MLXIP: variants seen among roughly 807,000 people sequenced by gnomAD.
MLXIP encodes the protein MLX-interacting protein.
In MLXIP, 30 loss-of-function variants were observed where a neutral mutation model predicts 87.2. That is an observed-to-expected ratio of 0.34 (90% CI 0.26 to 0.47). The LOEUF (loss-of-function observed/expected upper bound fraction) is 0.47, where lower values mean the gene tolerates loss of function less well. Among genes scored for constraint, MLXIP ranks in the 20% least tolerant of loss-of-function variants. The probability of loss-of-function intolerance (pLI) is 1.00; values close to 1 mark genes in which losing one functional copy is unlikely to be tolerated. For missense variants in MLXIP, 1,002 were observed against 1,240.1 expected, an observed-to-expected ratio of 0.81 and a Z score of 2.88; for synonymous variants, 530 against 514.0, an observed-to-expected ratio of 1.03 and a Z score of -0.42.
At position 122,135,252 on chromosome 12, in the gene MLXIP, G is replaced by A; in HGVS notation, c.1761G>A (p.Val587=). 3.7e-6 allele frequency: 6 copies of A among 1,613,542 alleles called. No individual in the cohort carries two copies. The highest frequency in any genetic ancestry group is 4.2e-6 in the Non-Finnish European group (5 of 1,179,852). ...PAAFSGQPQA[V]IMTSGPLKRE... is the part of the protein sequence containing the mutation. ...CCTTTTCAGGCCAACCACAAGCGGT[G>A]ATCATGACGTCAGGGCCTCTGAAGA... Residue 587 remains valine (V), a synonymous_variant, in exon 10 of 17, where the codon GTG becomes GTA. Transcript: ENST00000319080. This position sits in a 1 kb window ranked among gnomAD's most constrained non-coding sequence, Gnocchi z 5.3.
At chr12:122,086,180 CTGAATCTTG>C (rs1952165949) in intron 1 of MLXIP, among the ~76,000 whole-genome samples, 1 of 152,200 alleles carries the variant, frequency 6.6e-6, no homozygotes, top group African/African-American at 2.4e-5. Context: ...CGCAGCCCTG[CTGAATCTTG>C]TGAGACCCAA....
intron 1 of MLXIP, among the ~76,000 whole-genome samples, chr12:122,125,252 A>C (rs1392128971): frequency 6.6e-6 from 1 of 152,120 alleles, no homozygotes; most frequent in Admixed American, 6.5e-5. Flanking sequence ...GAATCGCTTG[A>C]AGCCAGGAGG....
intron 1 of MLXIP, among the ~76,000 whole-genome samples, chr12:122,106,276 C>T (rs376970555): frequency 2.0e-5 from 3 of 152,308 alleles, no homozygotes; most frequent in South Asian, 2.1e-4. Flanking sequence ...AACTCCTGCC[C>T]GTCCTTGGAG....
intron 1 of MLXIP, among the ~76,000 whole-genome samples, chr12:122,093,841 GGT>G (rs1204418187): frequency 9.7e-5 from 14 of 144,728 alleles, no homozygotes; most frequent in African/African-American, 1.5e-4. Flanking sequence ...GTGTGTGTGG[GGT>G]GTGTGTTTGC....
At chr12:122,098,809 C>T (rs1252834641) in intron 1 of MLXIP, among the ~76,000 whole-genome samples, 1 of 152,248 alleles carries the variant, frequency 6.6e-6, no homozygotes, top group Admixed American at 6.5e-5. Flanking sequence ...AAATTGGCTT[C>T]TCTTCTTCCA....
At position 122,130,831 on chromosome 12, in the gene MLXIP, G is replaced by C. The variant is rs750049009; in HGVS notation, c.911-13G>C. 6.2e-7 allele frequency: 1 copy of C among 1,602,396 alleles called. No homozygotes were observed. Among genetic ancestry groups the C allele is most frequent in the Non-Finnish European group, 8.6e-7 (1 of 1,169,484 alleles). On this transcript the variant is annotated splice_polypyrimidine_tract_variant and intron_variant, in intron 6 of 16. Transcript: ENST00000319080. Reference sequence around the variant, plus strand: ...AGAAGACAAAATGGTTCCTCTCTCTGTGATTCTTGCAGCACATCTGGGAAA... The same window carrying C: ...AGAAGACAAAATGGTTCCTCTCTCTCTGATTCTTGCAGCACATCTGGGAAA...
At chr12:122,113,050 G>A (rs751198349) in intron 1 of MLXIP, among the ~76,000 whole-genome samples, 9 of 152,282 alleles carry the variant, frequency 5.9e-5, no homozygotes, top group East Asian at 5.8e-4. Context: ...GAAACAGCAC[G>A]TCTGTTAATA....
At chr12:122,101,820 C>T (rs868105044) in intron 1 of MLXIP, among the ~76,000 whole-genome samples, 1 of 152,206 alleles carries the variant, frequency 6.6e-6, no homozygotes, top group Middle Eastern at 3.4e-3. Flanking sequence ...ACCTTGTGAT[C>T]CACCCACCTT....
chr12:122,135,527 G>A lies in MLXIP; in HGVS notation c.1893G>A (p.Val631=). 1 of 1,608,354 alleles carries A rather than the reference G, an allele frequency of 6.2e-7. No individual in the cohort carries two copies. The highest frequency in any genetic ancestry group is 8.5e-7 in the Non-Finnish European group (1 of 1,177,968). The change falls in exon 11 of 17, where the codon GTG becomes GTA. Residue 631 remains valine (V), a synonymous_variant. Coordinates refer to ENST00000319080, the MANE Select transcript of MLXIP (RefSeq NM_014938.6). This position sits in a 1 kb window ranked among gnomAD's most constrained non-coding sequence, Gnocchi z 5.3. ...GVPEFHSSIL[V]TDLGHGTSSP... is the part of the protein sequence containing the mutation. ...CGGAGTTCCACAGCAGCATCCTGGT[G>A]ACAGATCTCGGCCATGGCACGAGCA...
rs747494067 is a variant in MLXIP, at chr12:122,129,128, C to G, written c.607-9C>G. On this transcript the variant is annotated splice_polypyrimidine_tract_variant and intron_variant, in intron 3 of 16. Coordinates refer to ENST00000319080, the MANE Select transcript of MLXIP (RefSeq NM_014938.6). ...CCCCTCTTCACTCTGCTCTCTGTCC[C>G]TGTCCTAGGCCATCACCACGGAAGG... The G allele has an allele frequency of 6.2e-7, 1 of 1,602,834 alleles. No individual in the cohort carries two copies. Among genetic ancestry groups the G allele is most frequent in the East Asian group, 2.2e-5 (1 of 44,446 alleles).
intron 1 of MLXIP, among the ~76,000 whole-genome samples, chr12:122,109,578 G>A (rs1448646699): frequency 6.6e-6 from 1 of 152,228 alleles, no homozygotes; most frequent in African/African-American, 2.4e-5. Context: ...GAGACAGAAG[G>A]GCTGTTTGAC....
At chr12:122,140,390 G>A (rs961563801) in intron 15 of MLXIP, among the ~76,000 whole-genome samples, 14 of 152,092 alleles carry the variant, frequency 9.2e-5, no homozygotes, top group South Asian at 6.2e-4. Context: ...TCCGCCTCCC[G>A]GGTTCAAGCG....
At chr12:122,122,593 G>A (rs1476771167) in intron 1 of MLXIP, among the ~76,000 whole-genome samples, 1 of 151,836 alleles carries the variant, frequency 6.6e-6, no homozygotes, top group Admixed American at 6.6e-5. Flanking sequence ...CCGGGCTGGA[G>A]TGCAGTGATG....
Position 122,135,206 on chromosome 12 carries a change from T to C in MLXIP, c.1733-18T>C. The C allele has an allele frequency of 6.2e-7, 1 of 1,611,796 alleles. No homozygotes were observed. Among genetic ancestry groups the C allele is most frequent in the Non-Finnish European group, 8.5e-7 (1 of 1,179,290 alleles). On this transcript the variant is annotated intron_variant, in intron 9 of 16. Coordinates refer to ENST00000319080, the MANE Select transcript of MLXIP (RefSeq NM_014938.6). The surrounding 1 kb of genome is among the most constrained non-coding windows in gnomAD (Gnocchi z 5.3). ...TGTGGCCCAGGGCTGCACCTGAACA[T>C]CCTCCTTATCCTGGCAGCTGCCTTT...
intron 1 of MLXIP, among the ~76,000 whole-genome samples, chr12:122,088,662 C>G (rs1952203146): frequency 6.6e-6 from 1 of 152,112 alleles, no homozygotes; most frequent in African/African-American, 2.4e-5. Flanking sequence ...AGCAGCTTCT[C>G]TGTTGAGGAA....
chr12:122,133,837 G>C lies in MLXIP; in HGVS notation c.1582G>C (p.Val528Leu). ...AAPCGLALSP[V>L]TRPPQPRLTF... ...CCCTTGTGGGCTGGCACTGTCTCCTGTCACCCGGCCTCCCCAGCCACGGTT... is the reference window on the plus strand; with the variant it reads ...CCCTTGTGGGCTGGCACTGTCTCCTCTCACCCGGCCTCCCCAGCCACGGTT... Residue 528 changes from valine to leucine, a missense_variant, in exon 9 of 17, where the codon GTC (valine) becomes CTC (leucine). Transcript: ENST00000319080. The surrounding 1 kb of genome is among the most constrained non-coding windows in gnomAD (Gnocchi z 4.9). 6.2e-7 allele frequency: 1 copy of C among 1,612,976 alleles called. No homozygotes were observed. Among genetic ancestry groups the C allele is most frequent in the Non-Finnish European group, 8.5e-7 (1 of 1,179,608 alleles).
chr12:122,137,503 G>C lies in MLXIP; in HGVS notation c.2067G>C (p.Pro689=). ...GCCCAAACTCAGGGCAGGCCTCTCC[G>C]TGTGCATCGGAGCAGAGCCCCAGTC... ...RDCPNSGQAS[P]CASEQSPSPQ... The change falls in exon 12 of 17, where the codon CCG becomes CCC. Residue 689 remains proline, a synonymous_variant. Coordinates refer to ENST00000319080, the MANE Select transcript of MLXIP (RefSeq NM_014938.6). The surrounding 1 kb of genome is among the most constrained non-coding windows in gnomAD (Gnocchi z 4.1). 1 of 1,614,016 alleles carries C rather than the reference G, an allele frequency of 6.2e-7. No individual in the cohort carries two copies. Among genetic ancestry groups the C allele is most frequent in the South Asian group, 1.1e-5 (1 of 91,080 alleles).
Position 122,094,650 on chromosome 12 carries a change from G to T in MLXIP, c.413+15384G>T, listed in dbSNP as rs935545028. 1.5e-3 allele frequency among the ~76,000 whole-genome samples: 216 copies of T among 147,868 alleles called. 2 individuals are homozygous for T. The highest frequency in any genetic ancestry group is 1.9e-3 in the Non-Finnish European group (125 of 66,700). ...GGTGTCTGTGGTGTTGGTGTGTGTG[G>T]TGTGTTGGTGTGTGTGCAGGTGTGT... On this transcript the variant is annotated intron_variant, in intron 1 of 16. Transcript: ENST00000319080.
rs556124656 is a variant in MLXIP at position 122,113,654 on chromosome 12, G to A, written c.414-13602G>A. Among the ~76,000 whole-genome samples the A allele has an allele frequency of 4.7e-5, 7 of 147,484 alleles. No individual in the cohort carries two copies. In the South Asian group the frequency reaches 1.5e-3, roughly 32 times the overall value. Reference sequence around the variant, plus strand: ...GACTTAAGGGCCAACTTCAGAGTTAGAACAGTCCATATAACTGCCTTCATT... The same window carrying A: ...GACTTAAGGGCCAACTTCAGAGTTAAAACAGTCCATATAACTGCCTTCATT... On this transcript the variant is annotated intron_variant, in intron 1 of 16. Coordinates refer to ENST00000319080, the MANE Select transcript of MLXIP (RefSeq NM_014938.6).
Sources: allele counts gnomAD v4.1 joint callset (sites outside exome capture counted in the v4.1 genomes callset), GRCh38; gene constraint gnomAD v4.1.1; non-coding constraint Gnocchi (gnomAD v3.1); transcripts MANE v1.5; gene names NCBI Gene and HGNC (gene_info 2026-07-23, HGNC 2026-07-21).